Variants in FUT8 observed in about 807,000 individuals in gnomAD.
The protein encoded by FUT8 is fucosyltransferase 8, also known as alpha-(1,6)-fucosyltransferase.
In FUT8, 29 loss-of-function variants were observed where a neutral mutation model predicts 71.3. That is an observed-to-expected ratio of 0.41 (90% CI 0.30 to 0.55). FUT8 has a LOEUF of 0.55. Ranked by LOEUF, FUT8 falls within the 20% of genes least tolerant of loss-of-function variation. The probability of loss-of-function intolerance (pLI) is 0.34; values close to 1 mark genes in which losing one functional copy is unlikely to be tolerated. For synonymous variants in FUT8, 254 were observed against 239.3 expected (o/e 1.06, Z -0.57); for missense variants, 544 against 702.1 (o/e 0.77, Z 2.55).
At chr14:65,417,020 A>G (rs2065229529) in intron 1 of FUT8, among the ~76,000 whole-genome samples, 2 of 152,148 alleles carry the variant, frequency 1.3e-5, no homozygotes, top group Non-Finnish European at 2.9e-5. Context: ...TCCTGGGGTC[A>G]AGTGGTCCTC....
the FUT8 span, among the ~76,000 whole-genome samples, chr14:65,389,495 T>C: frequency 6.6e-6 from 1 of 151,964 alleles, no homozygotes; most frequent in Admixed American, 6.6e-5. Flanking sequence ...GTATTTTTAG[T>C]AGAGATGGGG....
intron 2 of FUT8, among the ~76,000 whole-genome samples, chr14:65,507,739 T>G (rs1322655649): frequency 6.6e-6 from 1 of 152,252 alleles, no homozygotes; most frequent in South Asian, 2.1e-4. Context: ...TCTTGGCTAT[T>G]GTGAACAGTG....
At position 65,501,130 on chromosome 14, in the gene FUT8, C is replaced by T. The variant is rs538494555; in HGVS notation, c.-228+45412C>T. The stretch of plus-strand genomic sequence containing the variant: ...TTAGGATCAGGTCAGGAAAACAGTC[C>T]ACACTAAATACTCGAGGCAGGAGGA... On this transcript the variant is annotated intron_variant, in intron 2 of 10. Transcript: ENST00000673929. Among the ~76,000 whole-genome samples, 32 of 152,224 alleles carry T rather than the reference C, an allele frequency of 2.1e-4. No homozygotes were observed. The South Asian group carries it at 6.6e-3, about 32-fold the overall frequency.
intron 1 of FUT8, among the ~76,000 whole-genome samples, chr14:65,431,852 C>T (rs926864891): frequency 2.3e-4 from 35 of 152,114 alleles, no homozygotes; most frequent in African/African-American, 8.0e-4. Context: ...CATTAATTAA[C>T]TCTTTTATCA....
At position 65,695,997 on chromosome 14, in the gene FUT8, G is replaced by C. The variant is rs564923470; in HGVS notation, c.836-25778G>C. 3.9e-4 allele frequency among the ~76,000 whole-genome samples: 59 copies of C among 152,058 alleles called. 1 individual carries two copies. Among genetic ancestry groups the C allele is most frequent in the African/African-American group, 1.3e-3 (54 of 41,512 alleles). On this transcript the variant is annotated intron_variant, in intron 7 of 10. Coordinates refer to ENST00000673929, the MANE Select transcript of FUT8 (RefSeq NM_001371533.1). ...AATAACTTTATATATCCCTTCATGG[G>C]ATATATAATGCCAAGACCTTATAAC...
the FUT8 span, among the ~76,000 whole-genome samples, chr14:65,382,149 C>G: frequency 6.6e-6 from 1 of 152,200 alleles, no homozygotes; most frequent in African/African-American, 2.4e-5. Flanking sequence ...ATCTGCTGTT[C>G]TTTAGCATCT....
At chr14:65,496,035 T>C (rs1435081082) in intron 2 of FUT8, among the ~76,000 whole-genome samples, 1 of 152,132 alleles carries the variant, frequency 6.6e-6, no homozygotes, top group Non-Finnish European at 1.5e-5. Context: ...AAAATTTAAG[T>C]AGAAAAAAAT....
chr14:65,671,925 C>CA (rs1892496749), intron 7 of FUT8, among the ~76,000 whole-genome samples: 2 of 152,092 alleles, frequency 1.3e-5, no homozygotes, highest in South Asian at 4.1e-4. Context: ...CTGAGTTGTA[C>CA]AAAAAATCTT....
At chr14:65,716,433 T>C (rs1320370124) in intron 7 of FUT8, among the ~76,000 whole-genome samples, 1 of 148,624 alleles carries the variant, frequency 6.7e-6, no homozygotes, top group East Asian at 2.0e-4. Context: ...CAGGATTTCT[T>C]TTTTTTTTTT....
chr14:65,614,132 G>C (rs909799527), intron 3 of FUT8, among the ~76,000 whole-genome samples: 4 of 147,360 alleles, frequency 2.7e-5, no homozygotes, highest in African/African-American at 7.5e-5. Flanking sequence ...AAAAAAGACT[G>C]TGTTGACATC....
intron 2 of FUT8, among the ~76,000 whole-genome samples, chr14:65,495,787 G>T (rs1207407796): frequency 6.6e-6 from 1 of 152,044 alleles, no homozygotes; most frequent in African/African-American, 2.4e-5. Flanking sequence ...TGTTATATTT[G>T]TTGTGAATGT....
chr14:65,678,533 T>A (rs563877972), intron 7 of FUT8, among the ~76,000 whole-genome samples: 1 of 152,306 alleles, frequency 6.6e-6, no homozygotes, highest in Non-Finnish European at 1.5e-5. Flanking sequence ...ATAGTCTTTT[T>A]AAGGTCTCCA....
At chr14:65,648,677 C>T (rs1031326065) in intron 6 of FUT8, among the ~76,000 whole-genome samples, 5 of 152,144 alleles carry the variant, frequency 3.3e-5, no homozygotes, top group African/African-American at 7.2e-5. Context: ...TGACTAATAT[C>T]GGGTTCCACA....
intron 1 of FUT8, among the ~76,000 whole-genome samples, chr14:65,425,081 C>A (rs1156848577): frequency 6.6e-6 from 1 of 152,004 alleles, no homozygotes; most frequent in Non-Finnish European, 1.5e-5. Context: ...AGTGGACCCT[C>A]AAAATTCAAA....
chr14:65,368,721 C>A, the FUT8 span, among the ~76,000 whole-genome samples: 1 of 151,178 alleles, frequency 6.6e-6, no homozygotes, highest in East Asian at 2.0e-4. Flanking sequence ...CGGGGTTTCA[C>A]CGTGTTAGCC....
At chr14:65,397,918 A>G in the FUT8 span, among the ~76,000 whole-genome samples, 5 of 152,224 alleles carry the variant, frequency 3.3e-5, no homozygotes, top group African/African-American at 1.2e-4. This position sits in a 1 kb window ranked among gnomAD's most constrained non-coding sequence, Gnocchi z 4.2. Flanking sequence ...CTGTGGTACA[A>G]TTGGTTTCCT....
chr14:65,705,108 CTTCAAGTTGACAGTAATAATAGTCT>C (rs1425796904), intron 7 of FUT8, among the ~76,000 whole-genome samples: 2 of 152,076 alleles, frequency 1.3e-5, no homozygotes, highest in African/African-American at 4.8e-5. Flanking sequence ...TGGTTGGAGG[CTTCAAGTTGACAGTAATAATAGTCT>C]TTCAAGTTGT....
chr14:65,503,339 T>G (rs2066676936), intron 2 of FUT8, among the ~76,000 whole-genome samples: 1 of 152,166 alleles, frequency 6.6e-6, no homozygotes, highest in Non-Finnish European at 1.5e-5. Flanking sequence ...TTAAAGCCAT[T>G]GTTACTCTTA....
chr14:65,629,829 T>TACACACACACACACACACAC (rs3079115), intron 6 of FUT8, among the ~76,000 whole-genome samples: 10 of 147,996 alleles, frequency 6.8e-5, no homozygotes, highest in African/African-American at 2.5e-4. Flanking sequence ...CTTACACACG[T>TACACACACACACACACACAC]ACACACACAC....
Sources: allele counts gnomAD v4.1 joint callset (sites outside exome capture counted in the v4.1 genomes callset), GRCh38; gene constraint gnomAD v4.1.1; non-coding constraint Gnocchi (gnomAD v3.1); transcripts MANE v1.5; gene names NCBI Gene and HGNC (gene_info 2026-07-23, HGNC 2026-07-21).